Variants in EYA2 observed in about 807,000 individuals in gnomAD.
EYA2 encodes EYA transcriptional coactivator and phosphatase 2, also known as protein phosphatase EYA2.
A neutral mutation model predicts 69.2 loss-of-function variants in EYA2; 31 were observed. That is an observed-to-expected ratio of 0.45 (90% confidence interval 0.34 to 0.60). The LOEUF (loss-of-function observed/expected upper bound fraction) is 0.60, where lower values mean the gene tolerates loss of function less well. Ranked by LOEUF, EYA2 falls within the 20% of genes least tolerant of loss-of-function variation. The pLI, the probability that EYA2 is intolerant of heterozygous loss-of-function variation, is 0.02. For missense variants in EYA2, 622 were observed against 701.2 expected, an observed-to-expected ratio of 0.89 and a Z score of 1.28; for synonymous variants, 257 against 279.4, an observed-to-expected ratio of 0.92 and a Z score of 0.80.
chr20:47,097,138 C>T lies in EYA2; in HGVS notation c.858C>T (p.Leu286=), dbSNP rs1437769565. 6.2e-7 allele frequency: 1 copy of T among 1,611,326 alleles called. No individual in the cohort carries two copies. The highest frequency in any genetic ancestry group is 2.2e-5 in the East Asian group (1 of 44,708). ...DETIIIFHSL[L]TGTFASRYGK... ...CAATAATTATTTTTCACTCCTTACT[C>T]ACGGGGACATTTGCATCCAGATACG... Residue 286 remains leucine, a synonymous_variant, in exon 9 of 16, where the codon CTC becomes CTT. Coordinates refer to ENST00000327619, the MANE Select transcript of EYA2 (RefSeq NM_005244.5).
intron 7 of EYA2, among the ~76,000 whole-genome samples, chr20:47,074,878 G>A (rs1160874638): frequency 2.6e-5 from 4 of 152,178 alleles, no homozygotes; most frequent in Non-Finnish European, 5.9e-5. Flanking sequence ...TTTGGAGGCT[G>A]AGGCGGGTGG....
intron 4 of EYA2, among the ~76,000 whole-genome samples, chr20:47,005,476 C>T (rs1231794543): frequency 1.3e-5 from 2 of 152,168 alleles, no homozygotes; most frequent in Non-Finnish European, 1.5e-5. Flanking sequence ...AAGATGGTGC[C>T]TGTCCACTCA....
intron 11 of EYA2, 109 bp from the exon 12 acceptor site, chr20:47,172,597 CA>C: frequency 8.7e-7 from 1 of 1,142,954 alleles, no homozygotes; most frequent in East Asian, 2.4e-5. Flanking sequence ...TCGAGGGGCT[CA>C]TGGACACCCA....
At chr20:46,917,788 C>G (rs561628476) in intron 1 of EYA2, among the ~76,000 whole-genome samples, 1 of 152,300 alleles carries the variant, frequency 6.6e-6, no homozygotes, top group Admixed American at 6.5e-5. Flanking sequence ...TCGTCTGAGC[C>G]TTTAGCGAGT....
intron 5 of EYA2, among the ~76,000 whole-genome samples, chr20:47,020,433 C>T (rs1466574472): frequency 6.6e-6 from 1 of 152,190 alleles, no homozygotes; most frequent in Non-Finnish European, 1.5e-5. Context: ...AAGTTCACAG[C>T]TCTTGTTCAG....
chr20:47,031,211 T>A (rs1219413718), intron 5 of EYA2, among the ~76,000 whole-genome samples: 1 of 152,176 alleles, frequency 6.6e-6, no homozygotes, highest in Non-Finnish European at 1.5e-5. Flanking sequence ...GAGCTGGCAC[T>A]TGCAAATTCG....
chr20:46,949,849 C>A (rs1204464643), intron 1 of EYA2, among the ~76,000 whole-genome samples: 1 of 152,248 alleles, frequency 6.6e-6, no homozygotes, highest in African/African-American at 2.4e-5. Flanking sequence ...GTGCCACTTA[C>A]CCACTGTGTG....
At chr20:46,964,273 T>TG (rs1568690806) in intron 1 of EYA2, among the ~76,000 whole-genome samples, 1 of 152,074 alleles carries the variant, frequency 6.6e-6, no homozygotes. Context: ...GAGGTTTTAG[T>TG]GGGGGGCATG....
At chr20:47,139,968 C>T (rs2033560494) in intron 9 of EYA2, among the ~76,000 whole-genome samples, 1 of 152,206 alleles carries the variant, frequency 6.6e-6, no homozygotes, top group East Asian at 1.9e-4. Flanking sequence ...ATACTCTTCA[C>T]AGAGAAGTCA....
intron 1 of EYA2, among the ~76,000 whole-genome samples, chr20:46,958,701 C>A (rs1272307392): frequency 1.3e-5 from 2 of 152,218 alleles, no homozygotes; most frequent in Non-Finnish European, 2.9e-5. Flanking sequence ...CCCACCACCA[C>A]CCTCCAATAG....
chr20:47,187,918 A>C, intron 15 of EYA2, 135 bp from the exon 16 acceptor site: 1 of 825,118 alleles, frequency 1.2e-6, no homozygotes, highest in Non-Finnish European at 2.0e-6. Flanking sequence ...AGCAACATCA[A>C]GTGCCCCATA....
chr20:47,153,323 T>C (rs1224993284), intron 10 of EYA2, among the ~76,000 whole-genome samples: 1 of 151,540 alleles, frequency 6.6e-6, no homozygotes. Flanking sequence ...GAAGCGTAGG[T>C]TTGTGAAAGA....
At chr20:46,986,737 A>G (rs1292387772) in intron 1 of EYA2, among the ~76,000 whole-genome samples, 1 of 152,072 alleles carries the variant, frequency 6.6e-6, no homozygotes, top group Admixed American at 6.6e-5. Context: ...CGCAAGAGAG[A>G]TGCCCGACTC....
chr20:46,999,297 A>G (rs1982215379), intron 2 of EYA2, among the ~76,000 whole-genome samples: 1 of 152,174 alleles, frequency 6.6e-6, no homozygotes, highest in Admixed American at 6.5e-5. Context: ...AGAATGAGAC[A>G]GTTCATTCTT....
At chr20:47,142,865 G>A (rs3818912) in intron 9 of EYA2, among the ~76,000 whole-genome samples, 194 bp from the exon 10 acceptor site, 2,624 of 152,198 alleles carry the variant, frequency 0.017, 114 homozygotes, top group East Asian at 0.16. Context: ...GGTGAAAACT[G>A]GAAGTGAGAT....
chr20:47,076,078 C>T (rs979520177), intron 7 of EYA2, among the ~76,000 whole-genome samples: 2 of 152,226 alleles, frequency 1.3e-5, no homozygotes, highest in African/African-American at 4.8e-5. Flanking sequence ...ATATATACCA[C>T]ATTTTCTTTA....
rs1264788760 is a variant in EYA2, at chr20:47,180,058, A to G, written c.1313+146A>G. On this transcript the variant is annotated intron_variant, in intron 13 of 15. Transcript: ENST00000327619. ...CAAATATTTTTTTTTTTTGATATGG[A>G]GTCTCACTCTGTCGCCCAGGCTGGA... 4.9e-6 allele frequency: 3 copies of G among 615,914 alleles called. No homozygotes were observed. In the East Asian group the frequency reaches 8.4e-5, roughly 17 times the overall value. The allele number at this position is 615,914 out of a possible 1,614,324, so 38.2% of individuals were successfully genotyped here.
In EYA2 at chr20:46,933,190, A is replaced by T. The variant is rs2146253733; in HGVS notation, c.-11+38203A>T. ...ATGGCTGATTAATTCCTGCCTCATC[A>T]GATCATTTGAGATTTAAACCAGAAA... On this transcript the variant is annotated intron_variant, in intron 1 of 15. Coordinates refer to ENST00000327619, the MANE Select transcript of EYA2 (RefSeq NM_005244.5). Among the ~76,000 whole-genome samples, 3 of 152,274 alleles carry T rather than the reference A, an allele frequency of 2.0e-5. No individual in the cohort carries two copies. In the Middle Eastern group the frequency reaches 0.01, roughly 518 times the overall value.
chr20:46,943,419 C>G (rs1412969183), intron 1 of EYA2, among the ~76,000 whole-genome samples: 1 of 151,460 alleles, frequency 6.6e-6, no homozygotes, highest in Non-Finnish European at 1.5e-5. Flanking sequence ...GTCTCAGCTT[C>G]TCCTGGCATG....
Sources: allele counts gnomAD v4.1 joint callset (sites outside exome capture counted in the v4.1 genomes callset), GRCh38; gene constraint gnomAD v4.1.1; transcripts MANE v1.5; gene names NCBI Gene and HGNC (gene_info 2026-07-23, HGNC 2026-07-21).